Variants in CPLANE1 observed in about 807,000 individuals in gnomAD.
CPLANE1 encodes the protein ciliogenesis and planar polarity effector complex subunit 1, also known as ciliogenesis and planar polarity effector 1.
CPLANE1 carries 263 observed loss-of-function variants against 362.5 expected under a neutral mutation model. The observed-to-expected ratio is 0.73, with a 90% CI of 0.66 to 0.80. CPLANE1 has a LOEUF of 0.80. Among genes scored for constraint, CPLANE1 ranks in the 30% least tolerant of loss-of-function variants. The pLI, the probability that CPLANE1 is intolerant of heterozygous loss-of-function variation, is 0.00. For missense variants in CPLANE1, 3,461 were observed against 3,793.4 expected, an observed-to-expected ratio of 0.91 and a Z score of 2.30; for synonymous variants, 1,212 against 1,302.6, an observed-to-expected ratio of 0.93 and a Z score of 1.50.
At chr5:37,083,006 T>C in the CPLANE1 span, among the ~76,000 whole-genome samples, 1 of 152,102 alleles carries the variant, frequency 6.6e-6, no homozygotes, top group African/African-American at 2.4e-5. Context: ...ACAGACTCTC[T>C]GAAGGAAGCA....
At chr5:37,216,904 G>A (rs554108039) in intron 15 of CPLANE1, among the ~76,000 whole-genome samples, 1 of 152,234 alleles carries the variant, frequency 6.6e-6, no homozygotes, top group South Asian at 2.1e-4. Flanking sequence ...TTCACTGTAT[G>A]TCCCAGCACC....
chr5:37,225,132 C>A (rs376151176), intron 12 of CPLANE1, among the ~76,000 whole-genome samples: 1 of 151,644 alleles, frequency 6.6e-6, no homozygotes, highest in Non-Finnish European at 1.5e-5. Context: ...TGCAGTGGCT[C>A]CATCACAGCT....
Position 37,183,623 on chromosome 5 carries a change from T to A in CPLANE1, c.4558A>T (p.Asn1520Tyr). The A allele has an allele frequency of 7.4e-6, 12 of 1,612,492 alleles. No individual in the cohort carries two copies. Among genetic ancestry groups the A allele is most frequent in the Non-Finnish European group, 1.0e-5 (12 of 1,179,422 alleles). ...DKRKMCNQKE[N>Y]PTKKEDHEKL... is the part of the protein sequence containing the mutation. Reference sequence around the variant, plus strand: ...TCATGATCTTCTTTCTTTGTAGGATTTTCTTTCTGATTACACATTTTCCTT... The same window carrying A: ...TCATGATCTTCTTTCTTTGTAGGATATTCTTTCTGATTACACATTTTCCTT... Residue 1520 changes from asparagine to tyrosine, a missense_variant, in exon 26 of 53, where the codon AAT becomes TAT. Asn to Tyr is a moderately radical substitution (Grantham distance 143). Coordinates refer to ENST00000651892, the MANE Select transcript of CPLANE1 (RefSeq NM_001384732.1).
At chr5:37,244,681 A>T in intron 4 of CPLANE1, 74 bp from the exon 5 acceptor site, 1 of 823,146 alleles carries the variant, frequency 1.2e-6, no homozygotes, top group Non-Finnish European at 1.9e-6. Flanking sequence ...TAATTTATGT[A>T]TTCTTACAAT....
the CPLANE1 span, among the ~76,000 whole-genome samples, chr5:37,091,854 C>T: frequency 3.3e-5 from 5 of 152,092 alleles, no homozygotes; most frequent in African/African-American, 1.2e-4. Context: ...AAGGAACTGA[C>T]CCTACAGGAT....
Position 37,209,883 on chromosome 5 carries a change from G to A in CPLANE1, c.2921-3458C>T, listed in dbSNP as rs900908480. 22 of 1,441,798 alleles carry A rather than the reference G, an allele frequency of 1.5e-5. No homozygotes were observed. The highest frequency in any genetic ancestry group is 2.0e-5 in the Non-Finnish European group (21 of 1,025,054). 89.3% of individuals were successfully genotyped at this position (1,441,798 alleles called of 1,614,324 possible). On this transcript the variant is annotated intron_variant, in intron 16 of 52. Coordinates refer to ENST00000651892, the MANE Select transcript of CPLANE1 (RefSeq NM_001384732.1). This position sits in a 1 kb window ranked among gnomAD's most constrained non-coding sequence, Gnocchi z 4.6. ...GACATTTAGCAGAGATTCTCTGGCTGAGAAGCTTCAGCTTATTGATGATCA... is the reference window on the plus strand; with the variant it reads ...GACATTTAGCAGAGATTCTCTGGCTAAGAAGCTTCAGCTTATTGATGATCA...
chr5:37,239,842 A>T lies in CPLANE1; in HGVS notation c.705T>A (p.Ala235=). ...VRSLPYHVHW[A]QQDCHLCSLI... ...AACTACAGAGATGACAGTCTTGTTG[A>T]GCCCAATGAACATGGTATGGCAATG... The change falls in exon 7 of 53, where the codon GCT becomes GCA. Residue 235 remains alanine (A), a synonymous_variant. Transcript: ENST00000651892. The T allele has an allele frequency of 6.6e-7, 1 of 1,524,108 alleles. No individual in the cohort carries two copies. The highest frequency in any genetic ancestry group is 8.8e-7 in the Non-Finnish European group (1 of 1,130,774). 94.4% of individuals were successfully genotyped at this position (1,524,108 alleles called of 1,614,324 possible). A position where few individuals can be genotyped will look rare whatever the true frequency, so the allele number is the denominator to read the frequency against.
chr5:37,248,960 C>T (rs576197275), intron 1 of CPLANE1, among the ~76,000 whole-genome samples: 1 of 152,190 alleles, frequency 6.6e-6, no homozygotes, highest in Non-Finnish European at 1.5e-5. Context: ...AGGTGTGGCC[C>T]GAGCCTGGCA....
At chr5:37,193,793 C>A (rs1786364690) in intron 21 of CPLANE1, among the ~76,000 whole-genome samples, 1 of 151,948 alleles carries the variant, frequency 6.6e-6, no homozygotes, top group Non-Finnish European at 1.5e-5. Context: ...GGCTGGAGAT[C>A]AGTAGCAAGA....
chr5:37,244,362 A>C lies in CPLANE1; in HGVS notation c.570+13T>G. ...AATCTGCTTCACAGATAAGAGTCTG[A>C]GACTGATTTTACCTCATTTTTTATA... is the stretch of plus-strand genomic sequence containing the variant. On this transcript the variant is annotated intron_variant, in intron 5 of 52. Transcript: ENST00000651892. 6.5e-7 allele frequency: 1 copy of C among 1,531,974 alleles called. No homozygotes were observed. Among genetic ancestry groups the C allele is most frequent in the African/African-American group, 1.4e-5 (1 of 72,338 alleles). The allele number at this position is 1,531,974 out of a possible 1,614,324, so 94.9% of individuals were successfully genotyped here.
Position 37,148,163 on chromosome 5 carries a change from CT to C in CPLANE1, c.8461+17del, listed in dbSNP as rs745694714. The C allele has an allele frequency of 2.5e-6, 4 of 1,595,786 alleles. No individual in the cohort carries two copies. In the East Asian group the frequency reaches 8.9e-5, roughly 36 times the overall value. On this transcript the variant is annotated intron_variant, in intron 43 of 52. Transcript: ENST00000651892. ...ACTAAAGCAAGACTTCAGCCAGCCC[CT>C]ATCAGCCCCTACAAACCTTCTTCAG... is the stretch of plus-strand genomic sequence containing the variant.
the CPLANE1 span, among the ~76,000 whole-genome samples, chr5:37,095,079 C>G: frequency 1.3e-5 from 2 of 152,144 alleles, no homozygotes; most frequent in East Asian, 3.9e-4. Context: ...CTAAGTCTTT[C>G]TATGAAGCCA....
Position 37,107,839 on chromosome 5 carries a change from CA to C in CPLANE1, c.9580-62del, listed in dbSNP as rs1402971670. 2.7e-6 allele frequency: 4 copies of C among 1,468,250 alleles called. No homozygotes were observed. The South Asian group carries it at 4.3e-5, about 16-fold the overall frequency. The allele number at this position is 1,468,250 out of a possible 1,614,324, so 91.0% of individuals were successfully genotyped here. A position where few individuals can be genotyped will look rare whatever the true frequency, so the allele number is the denominator to read the frequency against. ...CTAAAAACAAACAAAAAAACAAAAA[CA>C]AAAAAACCTGGAACGTGAACTAAGC... is the stretch of plus-strand genomic sequence containing the variant. On this transcript the variant is annotated intron_variant, in intron 52 of 52. Transcript: ENST00000651892.
chr5:37,092,741 T>C, the CPLANE1 span, among the ~76,000 whole-genome samples: 1 of 152,240 alleles, frequency 6.6e-6, no homozygotes, highest in African/African-American at 2.4e-5. Context: ...GGCACCTCCC[T>C]TGACACCTGG....
intron 20 of CPLANE1, among the ~76,000 whole-genome samples, chr5:37,196,805 G>A (rs1336038692): frequency 6.6e-6 from 1 of 152,018 alleles, no homozygotes; most frequent in African/African-American, 2.4e-5. Context: ...GGCGCCTGTA[G>A]TCCCAGGTAC....
At chr5:37,136,642 T>C (rs1309843809) in intron 46 of CPLANE1, among the ~76,000 whole-genome samples, 1 of 152,214 alleles carries the variant, frequency 6.6e-6, no homozygotes, top group Non-Finnish European at 1.5e-5. Flanking sequence ...ATGATAGCTA[T>C]ACCCTTGCAA....
intron 21 of CPLANE1, among the ~76,000 whole-genome samples, chr5:37,188,196 A>T (rs1489264123): frequency 1.3e-5 from 2 of 152,212 alleles, no homozygotes; most frequent in East Asian, 3.8e-4. Flanking sequence ...TATATCTTAG[A>T]TATCTTTTCA....
In CPLANE1 at chr5:37,201,806, G is replaced by A. The variant is rs1561585056; in HGVS notation, c.3292C>T (p.Pro1098Ser). The change falls in exon 19 of 53, where the codon CCC becomes TCC. Residue 1098 changes from proline (P) to serine (S), a missense_variant and splice_region_variant. Physicochemically the swap from Pro to Ser is moderately conservative, Grantham distance 74. Transcript: ENST00000651892. ...AGATTTGCATCTTCCTCTTCAATGG[G>A]ATCTATCAAATACAAAAATTTGGTA... is the stretch of plus-strand genomic sequence containing the variant. The part of the protein sequence containing the change: ...MGSKYKQFTD[P>S]IEEEDANLLF... The A allele has an allele frequency of 1.3e-6, 2 of 1,599,790 alleles. No individual in the cohort carries two copies. Among genetic ancestry groups the A allele is most frequent in the Non-Finnish European group, 1.7e-6 (2 of 1,170,436 alleles).
At chr5:37,089,299 C>T in the CPLANE1 span, among the ~76,000 whole-genome samples, 1 of 152,162 alleles carries the variant, frequency 6.6e-6, no homozygotes, top group South Asian at 2.1e-4. Flanking sequence ...GGCAGTTATA[C>T]AACCTCTAAT....
Sources: allele counts gnomAD v4.1 joint callset (sites outside exome capture counted in the v4.1 genomes callset), GRCh38; gene constraint gnomAD v4.1.1; non-coding constraint Gnocchi (gnomAD v3.1); transcripts MANE v1.5; gene names NCBI Gene and HGNC (gene_info 2026-07-23, HGNC 2026-07-21).